Variants in DHX36 observed in about 807,000 individuals in gnomAD.
The protein encoded by DHX36 is DEAH-box helicase 36, also known as ATP-dependent DNA/RNA helicase DHX36.
A neutral mutation model predicts 139.0 loss-of-function variants in DHX36; 50 were observed. The observed-to-expected ratio is 0.36, with a 90% confidence interval of 0.29 to 0.46. The LOEUF (loss-of-function observed/expected upper bound fraction) is 0.46. Among genes scored for constraint, DHX36 ranks in the 20% least tolerant of loss-of-function variants. The pLI is 1.00. For missense variants in DHX36, 1,024 were observed against 1,211.3 expected (o/e 0.85, Z 2.29); for synonymous variants, 425 against 401.9 (o/e 1.06, Z -0.69).
Position 154,272,975 on chromosome 3 carries a change from T to C in DHX36, c.*3196A>G, listed in dbSNP as rs1297424241. On this transcript the variant is annotated 3_prime_UTR_variant, in exon 25 of 25. Coordinates refer to ENST00000496811, the MANE Select transcript of DHX36 (RefSeq NM_020865.3). ...TAGAGCTTTTGCCCAAATTAATTAA[T>C]TGGGAAGGCATCACATGTGCTCACT... 1 of 152,212 alleles carries C rather than the reference T, an allele frequency of 6.6e-6. No individual in the cohort carries two copies. Among genetic ancestry groups the C allele is most frequent in the Admixed American group, 6.5e-5 (1 of 15,288 alleles). 9.4% of individuals were successfully genotyped at this position (152,212 alleles called of 1,614,324 possible).
At chr3:154,319,671 T>C (rs372591690) in intron 1 of DHX36, among the ~76,000 whole-genome samples, 67 of 152,270 alleles carry the variant, frequency 4.4e-4, no homozygotes, top group East Asian at 3.9e-4. Flanking sequence ...CAGTAGACAT[T>C]AGGCAGTCAA....
rs1417472083 is a variant in DHX36, at chr3:154,324,264, G to T, written c.153C>A (p.Gly51=). The change falls in exon 1 of 25, where the codon GGC becomes GGA. Residue 51 remains glycine (G), a synonymous_variant. Transcript: ENST00000496811. ...GGCCTTTCAGGTGCCCGGGATGCCG[G>T]CCCCTGCCGCCTCGACCACCCCCTC... ...GGGGGGRGGR[G]RHPGHLKGRE... is the part of the protein sequence containing the mutation. 6.2e-7 allele frequency: 1 copy of T among 1,613,450 alleles called. No homozygotes were observed. Among genetic ancestry groups the T allele is most frequent in the East Asian group, 2.2e-5 (1 of 44,846 alleles).
At position 154,276,293 on chromosome 3, in the gene DHX36, A is replaced by G; in HGVS notation, c.2905T>C (p.Trp969Arg). ...EKIESPHPVD[W>R]NDTKSRDCAV... ...CAGTCTCTGGATTTAGTGTCATTCC[A>G]GTCTACAGGATGAGGACTTTCAATC... Residue 969 changes from tryptophan (W) to arginine (R), a missense_variant, in exon 25 of 25, where the codon TGG becomes CGG. Around this residue, in one of 4 missense-constraint regions of DHX36, gnomAD observed 470 missense variants for 616.2 expected, o/e 0.76. Transcript: ENST00000496811. 1 of 1,613,922 alleles carries G rather than the reference A, an allele frequency of 6.2e-7. No individual in the cohort carries two copies. Among genetic ancestry groups the G allele is most frequent in the Non-Finnish European group, 8.5e-7 (1 of 1,179,962 alleles).
intron 9 of DHX36, among the ~76,000 whole-genome samples, chr3:154,301,917 G>A (rs1222815409): frequency 6.6e-6 from 1 of 152,010 alleles, no homozygotes; most frequent in African/African-American, 2.4e-5. Flanking sequence ...GGAGGGGCTG[G>A]AGCATGGACT....
At chr3:154,320,315 T>G (rs112886166) in intron 1 of DHX36, among the ~76,000 whole-genome samples, 125 of 150,752 alleles carry the variant, frequency 8.3e-4, no homozygotes, top group African/African-American at 2.9e-3. Flanking sequence ...CCAGCAACAC[T>G]GGCATCACCT....
chr3:154,315,421 T>A, intron 2 of DHX36, 141 bp from the exon 3 acceptor site: 1 of 531,558 alleles, frequency 1.9e-6, no homozygotes, highest in Non-Finnish European at 3.2e-6. Flanking sequence ...GTACAGTAAT[T>A]ATGAAAATAT....
chr3:154,292,728 C>A (rs62277002), intron 14 of DHX36, 34 bp from the exon 15 acceptor site: 1 of 112,230 alleles, frequency 8.9e-6, no homozygotes, highest in South Asian at 1.9e-4. Flanking sequence ...AATGTTAAAA[C>A]ACACACACAC....
At chr3:154,324,055 A>G in intron 1 of DHX36, 119 bp downstream of exon 1, 1 of 1,191,214 alleles carries the variant, frequency 8.4e-7, no homozygotes, top group Non-Finnish European at 1.2e-6. Context: ...TTTGCGCCTC[A>G]TTTACATTTC....
rs189117096 is a variant in DHX36 at position 154,318,649 on chromosome 3, T to A, written c.244-2486A>T. Among the ~76,000 whole-genome samples, 79 of 152,308 alleles carry A rather than the reference T, an allele frequency of 5.2e-4. 2 individuals are homozygous for A. Among genetic ancestry groups the A allele is most frequent in the African/African-American group, 1.8e-3 (76 of 41,576 alleles). On this transcript the variant is annotated intron_variant, in intron 1 of 24. Transcript: ENST00000496811. ...CAACATCAGTTGGTAGACTTTAAGA[T>A]ACCTTACACAATGCATATGTACCAA...
At position 154,273,799 on chromosome 3, in the gene DHX36, G is replaced by C. The variant is rs898300683; in HGVS notation, c.*2372C>G. On this transcript the variant is annotated 3_prime_UTR_variant, in exon 25 of 25. Coordinates refer to ENST00000496811, the MANE Select transcript of DHX36 (RefSeq NM_020865.3). ...ATTGTATGATACTATTAACTCTTTC[G>C]GTTTCCTTGCATTTATTGGAAGGCA... The C allele has an allele frequency of 1.3e-5, 2 of 152,062 alleles. No individual in the cohort carries two copies. The highest frequency in any genetic ancestry group is 2.9e-5 in the Non-Finnish European group (2 of 68,016). 9.4% of individuals were successfully genotyped at this position (152,062 alleles called of 1,614,324 possible).
chr3:154,276,607 A>G (rs1484364507), intron 24 of DHX36, 140 bp downstream of exon 24: 1 of 991,760 alleles, frequency 1.0e-6, no homozygotes, highest in Non-Finnish European at 1.5e-6. Flanking sequence ...ATTCAGAAAA[A>G]CCAGGAATCA....
chr3:154,292,731 AC>A (rs745897016), intron 14 of DHX36, 37 bp from the exon 15 acceptor site: 3 of 495,482 alleles, frequency 6.1e-6, no homozygotes, highest in Non-Finnish European at 8.9e-6. Flanking sequence ...GTTAAAACAC[AC>A]ACACACACAC....
At chr3:154,314,944 G>C in intron 3 of DHX36, 102 bp downstream of exon 3, 1 of 750,038 alleles carries the variant, frequency 1.3e-6, no homozygotes, top group Non-Finnish European at 2.2e-6. Flanking sequence ...TCTTGTTGAG[G>C]ATCTCACTGA....
intron 9 of DHX36, among the ~76,000 whole-genome samples, chr3:154,301,907 G>A (rs560572075): frequency 3.3e-4 from 50 of 152,016 alleles, no homozygotes; most frequent in African/African-American, 1.2e-3. Flanking sequence ...ATGGAATGGG[G>A]GAGGGGCTGG....
intron 1 of DHX36, among the ~76,000 whole-genome samples, chr3:154,323,012 A>C (rs979456001): frequency 1.3e-5 from 2 of 152,186 alleles, no homozygotes; most frequent in African/African-American, 4.8e-5. Flanking sequence ...CATGGTTAAA[A>C]GAAATAAAAA....
At chr3:154,311,887 A>G in intron 3 of DHX36, 2 of 427,582 alleles carry the variant, frequency 4.7e-6, no homozygotes, top group Non-Finnish European at 8.2e-6. Context: ...CCAGCAAAAT[A>G]GAGACAATGC....
intron 5 of DHX36, among the ~76,000 whole-genome samples, 173 bp from the exon 6 acceptor site, chr3:154,306,468 T>C (rs1712505295): frequency 6.6e-6 from 1 of 152,182 alleles, no homozygotes; most frequent in Admixed American, 6.5e-5. Context: ...TCTTAAGAGC[T>C]GTTTATTTTT....
chr3:154,318,321 GTTT>G (rs1026232244), intron 1 of DHX36, among the ~76,000 whole-genome samples: 6 of 152,012 alleles, frequency 3.9e-5, no homozygotes, highest in African/African-American at 1.2e-4. Flanking sequence ...TCCTCTTAAG[GTTT>G]TTTGATGTAT....
At chr3:154,287,213 T>C (rs920331097) in intron 17 of DHX36, among the ~76,000 whole-genome samples, 3 of 152,342 alleles carry the variant, frequency 2.0e-5, no homozygotes, top group East Asian at 3.9e-4. Flanking sequence ...CTTTTATTTC[T>C]ACCTCAACCC....
Sources: allele counts gnomAD v4.1 joint callset (sites outside exome capture counted in the v4.1 genomes callset), GRCh38; gene constraint gnomAD v4.1.1; regional missense constraint gnomAD v4.1.1; transcripts MANE v1.5; gene names NCBI Gene and HGNC (gene_info 2026-07-23, HGNC 2026-07-21).